CNTN1: variants seen among roughly 807,000 people sequenced by gnomAD.
CNTN1 encodes contactin-1.
A neutral mutation model predicts 126.4 loss-of-function variants in CNTN1; 38 were observed. The ratio of observed to expected loss-of-function variants is 0.30; its 90% CI spans 0.23 to 0.39. The LOEUF is 0.39. Ranked by LOEUF, CNTN1 falls within the 10% of genes least tolerant of loss-of-function variation. The pLI is 1.00. For missense variants in CNTN1, 1,009 were observed against 1,248.4 expected, an observed-to-expected ratio of 0.81 and a Z score of 2.89; for synonymous variants, 413 against 422.6, an observed-to-expected ratio of 0.98 and a Z score of 0.28.
At chr12:40,814,496 A>C (rs1202085954) in intron 1 of CNTN1, among the ~76,000 whole-genome samples, 1 of 152,222 alleles carries the variant, frequency 6.6e-6, no homozygotes, top group Non-Finnish European at 1.5e-5. Flanking sequence ...GTCAAAGATC[A>C]GATGGTTGTA....
At chr12:41,054,347 A>C (rs1385673743) in intron 23 of CNTN1, among the ~76,000 whole-genome samples, 1 of 151,930 alleles carries the variant, frequency 6.6e-6, no homozygotes, top group African/African-American at 2.4e-5. Flanking sequence ...ATTTTTCTAC[A>C]AATTAAGTAG....
At chr12:40,864,197 T>C (rs1386913558) in intron 1 of CNTN1, among the ~76,000 whole-genome samples, 1 of 151,732 alleles carries the variant, frequency 6.6e-6, no homozygotes, top group Non-Finnish European at 1.5e-5. Context: ...TTTGTATTTT[T>C]AGTAGAGACA....
chr12:40,768,283 A>G (rs1008501146), intron 1 of CNTN1, among the ~76,000 whole-genome samples: 1 of 152,232 alleles, frequency 6.6e-6, no homozygotes, highest in Non-Finnish European at 1.5e-5. Context: ...CGTAGCTGGT[A>G]AGGGTTGAGG....
At chr12:41,004,207 A>G (rs1948436181) in intron 17 of CNTN1, among the ~76,000 whole-genome samples, 1 of 152,140 alleles carries the variant, frequency 6.6e-6, no homozygotes, top group Non-Finnish European at 1.5e-5. Flanking sequence ...TTACCCAAAT[A>G]TCATTCAGGA....
chr12:40,694,213 C>A (rs1941386100), intron 1 of CNTN1, among the ~76,000 whole-genome samples: 1 of 152,194 alleles, frequency 6.6e-6, no homozygotes, highest in Non-Finnish European at 1.5e-5. Flanking sequence ...ACTGCTAGAA[C>A]CCTTGCGGGG....
At chr12:40,844,069 A>ATGTTTTTTTTTTTTTTTTTTTT (rs1942396892) in intron 1 of CNTN1, among the ~76,000 whole-genome samples, 1 of 84,684 alleles carries the variant, frequency 1.2e-5, no homozygotes, top group South Asian at 4.3e-4. Context: ...TGGCACAATG[A>ATGTTTTTTTTTTTTTTTTTTTT]TTTTTTTTTT....
chr12:40,968,311 G>C (rs1393933604), intron 15 of CNTN1, among the ~76,000 whole-genome samples: 3 of 152,116 alleles, frequency 2.0e-5, no homozygotes, highest in African/African-American at 7.2e-5. Context: ...TTATTCTATA[G>C]AGTGTCACTG....
At chr12:40,922,657 A>G (rs1259301764) in intron 5 of CNTN1, among the ~76,000 whole-genome samples, 1 of 152,098 alleles carries the variant, frequency 6.6e-6, no homozygotes, top group African/African-American at 2.4e-5. Flanking sequence ...CCAGCGTCTG[A>G]GGATCTTGAA....
intron 23 of CNTN1, among the ~76,000 whole-genome samples, chr12:41,042,811 A>G (rs1949446888): frequency 6.6e-6 from 1 of 152,110 alleles, no homozygotes; most frequent in Non-Finnish European, 1.5e-5. Context: ...GATATAGATC[A>G]ATGGAACAGA....
At chr12:40,896,948 T>C (rs1944433323) in intron 1 of CNTN1, among the ~76,000 whole-genome samples, 2 of 152,218 alleles carry the variant, frequency 1.3e-5, no homozygotes, top group South Asian at 4.1e-4. Flanking sequence ...CTAATAATAG[T>C]AGCTACATCA....
chr12:40,910,538 T>C (rs990940415), intron 3 of CNTN1, among the ~76,000 whole-genome samples: 1 of 152,200 alleles, frequency 6.6e-6, no homozygotes, highest in East Asian at 1.9e-4. Context: ...AAATTTATTG[T>C]TTAATAATCC....
intron 17 of CNTN1, chr12:41,005,206 T>C (rs546290639): frequency 6.6e-6 from 1 of 152,324 alleles, no homozygotes; most frequent in African/African-American, 2.4e-5. Flanking sequence ...TTTGGCTAGA[T>C]ATAGAATTCT....
chr12:41,021,706 G>T (rs1948917166), intron 20 of CNTN1, among the ~76,000 whole-genome samples: 1 of 148,356 alleles, frequency 6.7e-6, no homozygotes, highest in Admixed American at 6.8e-5. Context: ...GATCATCTAT[G>T]CAAGGGTTCA....
chr12:41,012,008 C>T (rs557899232), intron 17 of CNTN1, among the ~76,000 whole-genome samples: 38 of 152,276 alleles, frequency 2.5e-4, no homozygotes, highest in African/African-American at 8.9e-4. Context: ...TTCCCATTCA[C>T]AGAAACAGCA....
rs79148385 is a variant in CNTN1, at chr12:40,838,517, C to T, written c.-76-69840C>T. ...TGCAAACAAAAGTACCTGTGTATAT[C>T]ACCCAGTGGAACAAAAATAGGCAAA... On this transcript the variant is annotated intron_variant, in intron 1 of 23. Transcript: ENST00000551295. 5.4e-4 allele frequency among the ~76,000 whole-genome samples: 82 copies of T among 152,268 alleles called. No homozygotes were observed. In the East Asian group the frequency reaches 0.012, roughly 23 times the overall value.
intron 1 of CNTN1, among the ~76,000 whole-genome samples, chr12:40,716,547 T>C (rs547738287): frequency 4.6e-5 from 7 of 152,188 alleles, no homozygotes; most frequent in Non-Finnish European, 7.4e-5. Flanking sequence ...CACCTGGGTG[T>C]TGGACATGGG....
At chr12:41,007,449 T>A (rs1303366335) in intron 17 of CNTN1, among the ~76,000 whole-genome samples, 1 of 152,174 alleles carries the variant, frequency 6.6e-6, no homozygotes, top group Non-Finnish European at 1.5e-5. Flanking sequence ...CCCTGGGGTT[T>A]GTCATCTTGC....
intron 1 of CNTN1, among the ~76,000 whole-genome samples, chr12:40,801,694 G>A (rs190796742): frequency 5.9e-4 from 90 of 151,942 alleles, no homozygotes; most frequent in African/African-American, 2.1e-3. Context: ...GATGAGGCTA[G>A]AGGGTTGGTT....
chr12:40,945,558 T>A (rs571944938), intron 14 of CNTN1, among the ~76,000 whole-genome samples: 1 of 151,962 alleles, frequency 6.6e-6, no homozygotes, highest in African/African-American at 2.4e-5. Flanking sequence ...GTAAATAAAT[T>A]TGCAGACAAA....
Sources: gnomAD v4.1 joint callset for allele counts (sites outside exome capture counted in the v4.1 genomes callset) on GRCh38, gnomAD v4.1.1 for gene constraint, MANE v1.5 for transcripts, NCBI Gene and HGNC (gene_info 2026-07-23, HGNC 2026-07-21) for gene names.